The following SLC44A5 variants were observed in gnomAD, a reference collection of about 807,000 sequenced individuals.
SLC44A5 encodes solute carrier family 44 member 5, also known as choline transporter-like protein 5.
SLC44A5 carries 57 observed loss-of-function variants against 101.8 expected under a neutral mutation model. That is an observed-to-expected ratio of 0.56 (90% CI 0.45 to 0.70). The LOEUF (loss-of-function observed/expected upper bound fraction) is 0.70, where lower values mean the gene tolerates loss of function less well. Among genes scored for constraint, SLC44A5 ranks in the 30% least tolerant of loss-of-function variants. The probability of loss-of-function intolerance (pLI) is 0.00; values close to 1 mark genes in which losing one functional copy is unlikely to be tolerated. For synonymous variants in SLC44A5, 281 were observed against 290.9 expected (o/e 0.97, Z 0.35); for missense variants, 737 against 853.1 (o/e 0.86, Z 1.70).
chr1:75,668,023 T>C, the SLC44A5 span, among the ~76,000 whole-genome samples: 1 of 152,340 alleles, frequency 6.6e-6, no homozygotes, highest in South Asian at 2.1e-4. Context: ...TCTTATTTTA[T>C]ATAACTAATT....
the SLC44A5 span, among the ~76,000 whole-genome samples, chr1:75,634,363 G>C: frequency 6.6e-6 from 1 of 151,942 alleles, no homozygotes; most frequent in Admixed American, 6.6e-5. Flanking sequence ...GACTCTTTTT[G>C]GTTGGTAAGC....
At chr1:75,654,637 C>G in the SLC44A5 span, among the ~76,000 whole-genome samples, 389 of 152,238 alleles carry the variant, frequency 2.6e-3, 3 homozygotes, top group South Asian at 0.011. Context: ...AAGAATCTCA[C>G]AAACTAAACT....
At chr1:75,320,419 T>C (rs1259658003) in intron 4 of SLC44A5, among the ~76,000 whole-genome samples, 1 of 152,122 alleles carries the variant, frequency 6.6e-6, no homozygotes, top group Non-Finnish European at 1.5e-5. Context: ...ATTAGAGCTA[T>C]GTGATAGATG....
intron 5 of SLC44A5, among the ~76,000 whole-genome samples, chr1:75,297,466 G>T (rs149164961): frequency 6.6e-6 from 1 of 151,960 alleles, no homozygotes; most frequent in African/African-American, 2.4e-5. Context: ...TGTATTTCTC[G>T]TAGGGACAGG....
chr1:75,588,012 C>T (rs1674117552), intron 1 of SLC44A5, among the ~76,000 whole-genome samples: 1 of 152,062 alleles, frequency 6.6e-6, no homozygotes, highest in Non-Finnish European at 1.5e-5. Context: ...AACCAGAAGG[C>T]AAATCTGGTC....
At chr1:75,298,309 T>C (rs1654133688) in intron 5 of SLC44A5, among the ~76,000 whole-genome samples, 1 of 152,190 alleles carries the variant, frequency 6.6e-6, no homozygotes, top group South Asian at 2.1e-4. Flanking sequence ...TATATATATT[T>C]TGTAAACTTT....
chr1:75,626,914 T>A, the SLC44A5 span, among the ~76,000 whole-genome samples: 1 of 152,258 alleles, frequency 6.6e-6, no homozygotes, highest in African/African-American at 2.4e-5. Flanking sequence ...CTGGCACCAG[T>A]TCACCTTCCC....
chr1:75,525,739 G>A (rs211785), intron 2 of SLC44A5, among the ~76,000 whole-genome samples: 22,157 of 152,096 alleles, frequency 0.15, 1,825 homozygotes, highest in African/African-American at 0.2. Context: ...ATATAAAATT[G>A]TCTTAGATAT....
intron 7 of SLC44A5, among the ~76,000 whole-genome samples, chr1:75,244,701 C>T (rs1236377567): frequency 6.6e-6 from 1 of 152,058 alleles, no homozygotes; most frequent in Non-Finnish European, 1.5e-5. Context: ...GATCACCATG[C>T]TACTTCACGA....
upstream of SLC44A5, among the ~76,000 whole-genome samples, chr1:75,614,237 T>A (rs773424729): frequency 1.3e-5 from 2 of 152,218 alleles, no homozygotes; most frequent in African/African-American, 4.8e-5. Flanking sequence ...TGTTTGTAGG[T>A]GAATATATTC....
chr1:75,438,905 T>G (rs565986467), intron 2 of SLC44A5, among the ~76,000 whole-genome samples: 1 of 152,098 alleles, frequency 6.6e-6, no homozygotes, highest in Non-Finnish European at 1.5e-5. Context: ...AAAAATAAAG[T>G]CAAAGTCTTT....
chr1:75,697,444 A>G, the SLC44A5 span, among the ~76,000 whole-genome samples: 1 of 152,226 alleles, frequency 6.6e-6, no homozygotes, highest in Non-Finnish European at 1.5e-5. Flanking sequence ...CAAGATATCA[A>G]TCCAAGTATT....
intron 1 of SLC44A5, among the ~76,000 whole-genome samples, chr1:75,575,374 T>C (rs1217711450): frequency 1.3e-5 from 2 of 152,226 alleles, no homozygotes; most frequent in African/African-American, 2.4e-5. Flanking sequence ...GTACTTATTC[T>C]GATGGGACCA....
chr1:75,609,102 G>A (rs1319571127), intron 1 of SLC44A5, among the ~76,000 whole-genome samples: 1 of 151,554 alleles, frequency 6.6e-6, no homozygotes, highest in Non-Finnish European at 1.5e-5. Context: ...AGAACTACAT[G>A]AACGAATAAA....
chr1:75,566,783 A>C (rs1169650597), intron 1 of SLC44A5, among the ~76,000 whole-genome samples: 2 of 152,244 alleles, frequency 1.3e-5, no homozygotes, highest in African/African-American at 2.4e-5. Context: ...AAAAGTAATA[A>C]AAATAACACC....
rs571248477 is a variant in SLC44A5, at chr1:75,606,961, C to G, written c.-70+4079G>C. ...CTGGGCTCAGATCATTTCTCTCAATCTATACTCAATTCCCAGTGAGTCTTC... is the reference window on the plus strand; with the variant it reads ...CTGGGCTCAGATCATTTCTCTCAATGTATACTCAATTCCCAGTGAGTCTTC... On this transcript the variant is annotated intron_variant, in intron 1 of 23. Transcript: ENST00000370859. 2.6e-5 allele frequency among the ~76,000 whole-genome samples: 4 copies of G among 152,050 alleles called. No individual in the cohort carries two copies. In the East Asian group the frequency reaches 7.7e-4, roughly 29 times the overall value.
At chr1:75,268,307 C>T (rs572465083) in intron 6 of SLC44A5, among the ~76,000 whole-genome samples, 1 of 152,174 alleles carries the variant, frequency 6.6e-6, no homozygotes, top group Non-Finnish European at 1.5e-5. Flanking sequence ...AAGTCACCTC[C>T]TCATGAGAGT....
intron 1 of SLC44A5, among the ~76,000 whole-genome samples, chr1:75,603,445 C>T (rs148353251): frequency 8.6e-4 from 129 of 150,872 alleles, no homozygotes; most frequent in Non-Finnish European, 1.4e-3. Context: ...AATTAACATG[C>T]GGGTGCATGT....
At chr1:75,653,041 C>G in the SLC44A5 span, among the ~76,000 whole-genome samples, 1 of 152,156 alleles carries the variant, frequency 6.6e-6, no homozygotes, top group African/African-American at 2.4e-5. Flanking sequence ...GAAACTTCCT[C>G]TTTATATCAT....
Sources: allele counts gnomAD v4.1 joint callset (sites outside exome capture counted in the v4.1 genomes callset), GRCh38; gene constraint gnomAD v4.1.1; transcripts MANE v1.5; gene names NCBI Gene and HGNC (gene_info 2026-07-23, HGNC 2026-07-21).